Variants in EWSR1 observed in about 807,000 individuals in gnomAD.
The protein encoded by EWSR1 is RNA-binding protein EWS.
In EWSR1, 14 loss-of-function variants were observed where a neutral mutation model predicts 92.1. The observed-to-expected ratio is 0.15, with a 90% CI of 0.10 to 0.24. The LOEUF is 0.24. EWSR1 is among the 10% of genes least tolerant of loss of function. EWSR1 has a pLI of 1.00. For missense variants in EWSR1, 637 were observed against 870.9 expected (o/e 0.73, Z 3.38); for synonymous variants, 303 against 292.9 (o/e 1.03, Z -0.35).
Position 29,287,144 on chromosome 22 carries a change from T to A in EWSR1, c.793+10T>A. 1.2e-6 allele frequency: 2 copies of A among 1,613,056 alleles called. No individual in the cohort carries two copies. The highest frequency in any genetic ancestry group is 1.7e-6 in the Non-Finnish European group (2 of 1,179,290). On this transcript the variant is annotated intron_variant, in intron 7 of 16. Coordinates refer to ENST00000397938, the MANE Select transcript of EWSR1 (RefSeq NM_005243.4). ...AGCTACGGGCAGCAGAGTGAGTTGC[T>A]AAGAGAGAAAACCAAATAAGAATGA...
At chr22:29,292,257 ATAGACCAG>A in intron 10 of EWSR1, 88 bp downstream of exon 10, 1 of 1,297,790 alleles carries the variant, frequency 7.7e-7, no homozygotes. Flanking sequence ...CAGCAGCCTT[ATAGACCAG>A]TGTGATATTC....
intron 11 of EWSR1, among the ~76,000 whole-genome samples, chr22:29,293,679 C>G (rs550665517): frequency 1.3e-5 from 2 of 152,298 alleles, no homozygotes; most frequent in Non-Finnish European, 2.9e-5. Flanking sequence ...ATTGTCCTGC[C>G]TCAGCCTCCT....
intron 4 of EWSR1, chr22:29,275,730 C>A (rs1049907174): frequency 4.4e-6 from 1 of 228,828 alleles, no homozygotes; most frequent in African/African-American, 2.2e-5. Flanking sequence ...CTGTTCTCTT[C>A]TAGGATTTTT....
intron 1 of EWSR1, 152 bp downstream of exon 1, chr22:29,268,501 T>G: frequency 7.0e-7 from 1 of 1,419,270 alleles, no homozygotes; most frequent in African/African-American, 1.4e-5. Context: ...GGGATCCGCA[T>G]TCCTCTCCCC....
intron 8 of EWSR1, chr22:29,291,261 A>G (rs1453894147): frequency 2.0e-5 from 7 of 352,126 alleles, no homozygotes; most frequent in Non-Finnish European, 3.1e-5. Flanking sequence ...TTTTCACCTG[A>G]CGGGGTGGGT....
intron 3 of EWSR1, among the ~76,000 whole-genome samples, chr22:29,273,431 C>G (rs953045949): frequency 2.6e-5 from 4 of 152,160 alleles, no homozygotes; most frequent in Non-Finnish European, 5.9e-5. Context: ...TCTTGTTAAT[C>G]TCATGTATAG....
chr22:29,274,386 T>C, intron 4 of EWSR1: 1 of 1,290,754 alleles, frequency 7.7e-7, no homozygotes, highest in South Asian at 1.2e-5. Flanking sequence ...CCCCAAACTT[T>C]CTAACATCAC....
At chr22:29,291,661 A>AC (rs2060450981) in intron 9 of EWSR1, 62 bp downstream of exon 9, 1 of 1,480,140 alleles carries the variant, frequency 6.8e-7, no homozygotes, top group African/African-American at 1.4e-5. Flanking sequence ...TTTTTAGAAA[A>AC]CTATAATTTT....
chr22:29,295,153 C>T (rs1198829069), intron 11 of EWSR1, among the ~76,000 whole-genome samples: 1 of 151,982 alleles, frequency 6.6e-6, no homozygotes, highest in Admixed American at 6.6e-5. Context: ...GCAACCTCCG[C>T]CTCCTGGGTT....
Position 29,268,449 on chromosome 22 carries a change from C to T in EWSR1, c.13+100C>T, listed in dbSNP as rs1180558835. 5 of 1,604,702 alleles carry T rather than the reference C, an allele frequency of 3.1e-6. No homozygotes were observed. In the South Asian group the frequency reaches 3.3e-5, roughly 11 times the overall value. ...TGGCTGGGAAGACTGAGTGGAGTTG[C>T]CGAGAGGGGGTTGAGGCACCCGCCG... On this transcript the variant is annotated intron_variant, in intron 1 of 16. Transcript: ENST00000397938.
At chr22:29,287,249 C>A in intron 7 of EWSR1, 115 bp downstream of exon 7, 1 of 1,055,450 alleles carries the variant, frequency 9.5e-7, no homozygotes, top group Non-Finnish European at 1.4e-6. Context: ...ACTCTTGGGG[C>A]TGAGGCTGGA....
intron 5 of EWSR1, among the ~76,000 whole-genome samples, chr22:29,278,863 C>T (rs1009887012): frequency 4.0e-5 from 6 of 149,926 alleles, no homozygotes; most frequent in Admixed American, 1.3e-4. Context: ...GGCGTGGTGG[C>T]GCACACCTGT....
chr22:29,287,493 C>G (rs1179003673), intron 7 of EWSR1, among the ~76,000 whole-genome samples: 2 of 152,210 alleles, frequency 1.3e-5, no homozygotes, highest in Non-Finnish European at 2.9e-5. Flanking sequence ...CAGTCATGAG[C>G]CACTGCGCCC....
At chr22:29,269,543 A>T (rs1325613570) in intron 1 of EWSR1, 1 of 152,258 alleles carries the variant, frequency 6.6e-6, no homozygotes, top group East Asian at 1.9e-4. Flanking sequence ...CCTTAGAGAC[A>T]GTGGGAGAAG....
intron 8 of EWSR1, chr22:29,290,176 C>G (rs918878731): frequency 2.5e-6 from 1 of 405,810 alleles, no homozygotes; most frequent in Non-Finnish European, 4.5e-6. Context: ...ATGGCTTTCC[C>G]CATAGGTTTT....
chr22:29,287,670 G>T (rs2060148335), intron 7 of EWSR1, among the ~76,000 whole-genome samples: 1 of 152,200 alleles, frequency 6.6e-6, no homozygotes, highest in Non-Finnish European at 1.5e-5. Context: ...TGGCAAAAAA[G>T]AAAAGAGATA....
chr22:29,294,818 C>A (rs1239133058), intron 11 of EWSR1, among the ~76,000 whole-genome samples: 1 of 150,744 alleles, frequency 6.6e-6, no homozygotes, highest in African/African-American at 2.4e-5. Context: ...GAGTCTGAGG[C>A]AGGAGAATCA....
chr22:29,298,090 T>A (rs995165844), intron 13 of EWSR1, 141 bp downstream of exon 13: 16 of 1,017,718 alleles, frequency 1.6e-5, no homozygotes, highest in African/African-American at 6.4e-5. Flanking sequence ...CAATGAATGT[T>A]TGTTGGGAAT....
chr22:29,269,360 C>T (rs1248506732), intron 1 of EWSR1: 1 of 152,224 alleles, frequency 6.6e-6, no homozygotes, highest in Non-Finnish European at 1.5e-5. Flanking sequence ...TGCAAGCAAG[C>T]CCCGGTTGGG....
Sources: gnomAD v4.1 joint callset for allele counts (sites outside exome capture counted in the v4.1 genomes callset) on GRCh38, gnomAD v4.1.1 for gene constraint, MANE v1.5 for transcripts, NCBI Gene and HGNC (gene_info 2026-07-23, HGNC 2026-07-21) for gene names.